Variants in SLC25A42 observed in about 807,000 individuals in gnomAD.
SLC25A42 encodes solute carrier family 25 member 42.
SLC25A42 carries 19 observed loss-of-function variants against 34.7 expected under a neutral mutation model. The ratio of observed to expected loss-of-function variants is 0.55; its 90% CI spans 0.38 to 0.80. The LOEUF (loss-of-function observed/expected upper bound fraction) is 0.80, where lower values mean the gene tolerates loss of function less well. Ranked by LOEUF, SLC25A42 falls within the 30% of genes least tolerant of loss-of-function variation. The probability of loss-of-function intolerance (pLI) is 0.00; values close to 1 mark genes in which losing one functional copy is unlikely to be tolerated. For synonymous variants in SLC25A42, 205 were observed against 191.2 expected (o/e 1.07, Z -0.59); for missense variants, 364 against 441.3 (o/e 0.82, Z 1.57).
intron 2 of SLC25A42, among the ~76,000 whole-genome samples, chr19:19,100,953 TG>T (rs1568521244): frequency 6.6e-6 from 1 of 151,996 alleles, no homozygotes; most frequent in African/African-American, 2.4e-5. Context: ...CCGAGTCCAC[TG>T]GGGAAATGGA....
At chr19:19,110,519 G>A in intron 7 of SLC25A42, 50 bp from the exon 8 acceptor site, 1 of 1,363,452 alleles carries the variant, frequency 7.3e-7, no homozygotes. Context: ...GGTGCGGGGT[G>A]CGCGCCCCCT....
intron 1 of SLC25A42, among the ~76,000 whole-genome samples, chr19:19,090,335 GGT>G (rs756952694): frequency 9.2e-5 from 14 of 152,138 alleles, no homozygotes; most frequent in Non-Finnish European, 2.1e-4. Flanking sequence ...ACTCATCTTA[GGT>G]TCATGGCTGA....
chr19:19,092,921 C>T (rs893678136), intron 1 of SLC25A42, among the ~76,000 whole-genome samples: 5 of 152,122 alleles, frequency 3.3e-5, no homozygotes, highest in African/African-American at 1.2e-4. Context: ...GTGAAACAGA[C>T]GCAGTGCATC....
At chr19:19,065,599 T>A (rs2059597839) in intron 1 of SLC25A42, among the ~76,000 whole-genome samples, 1 of 152,170 alleles carries the variant, frequency 6.6e-6, no homozygotes. Flanking sequence ...GGTACCAGAA[T>A]GTTTCAGAGG....
chr19:19,082,603 TC>T (rs1425968389), intron 1 of SLC25A42, among the ~76,000 whole-genome samples: 2 of 151,886 alleles, frequency 1.3e-5, no homozygotes, highest in African/African-American at 4.8e-5. Flanking sequence ...CCTCAATTGA[TC>T]CACCTGCCTT....
chr19:19,066,993 G>C (rs2059606024), intron 1 of SLC25A42, among the ~76,000 whole-genome samples: 1 of 136,406 alleles, frequency 7.3e-6, no homozygotes, highest in Non-Finnish European at 1.5e-5. Flanking sequence ...CTCCTCTCCA[G>C]CCTGGACGAC....
At chr19:19,082,801 C>T (rs1384085886) in intron 1 of SLC25A42, among the ~76,000 whole-genome samples, 1 of 152,010 alleles carries the variant, frequency 6.6e-6, no homozygotes, top group Admixed American at 6.6e-5. Context: ...TATGTGCCAC[C>T]AAGCCCAACT....
rs1189170745 is a variant in SLC25A42, at chr19:19,112,000, C to T, written c.*1124C>T. 1 of 152,210 alleles carries T rather than the reference C, an allele frequency of 6.6e-6. No homozygotes were observed. Among genetic ancestry groups the T allele is most frequent in the East Asian group, 1.9e-4 (1 of 5,194 alleles). 9.4% of individuals were successfully genotyped at this position (152,210 alleles called of 1,614,324 possible). On this transcript the variant is annotated 3_prime_UTR_variant, in exon 8 of 8. Transcript: ENST00000318596. ...GGGAACCCCCAGCTAACTGGTCTCT[C>T]AGAGGAGTCCCCCAGGGCCCGCCAG...
At chr19:19,092,729 G>A (rs1222828684) in intron 1 of SLC25A42, among the ~76,000 whole-genome samples, 2 of 152,214 alleles carry the variant, frequency 1.3e-5, no homozygotes, top group Admixed American at 1.3e-4. Context: ...TTCTGGGGAA[G>A]GTGACTTTGC....
chr19:19,105,064 C>A, intron 4 of SLC25A42, 126 bp downstream of exon 4: 1 of 1,139,164 alleles, frequency 8.8e-7, no homozygotes, highest in Non-Finnish European at 1.3e-6. Context: ...TCTTCCCATT[C>A]CCAGCTCTGC....
intron 1 of SLC25A42, among the ~76,000 whole-genome samples, chr19:19,091,881 ACAG>A (rs1197180886): frequency 6.6e-6 from 1 of 152,202 alleles, no homozygotes; most frequent in Non-Finnish European, 1.5e-5. Context: ...TGACTATAAA[ACAG>A]CAGCAACAAC....
At chr19:19,107,370 C>T (rs1011126694) in intron 6 of SLC25A42, among the ~76,000 whole-genome samples, 7 of 150,934 alleles carry the variant, frequency 4.6e-5, no homozygotes, top group East Asian at 1.9e-4. Flanking sequence ...TGGTGGCTCA[C>T]GCCTGTAATT....
chr19:19,075,259 C>A (rs2059650413), intron 1 of SLC25A42, among the ~76,000 whole-genome samples: 2 of 152,174 alleles, frequency 1.3e-5, no homozygotes, highest in African/African-American at 4.8e-5. Flanking sequence ...CTGGTGTGAT[C>A]ATGAGTTATC....
intron 1 of SLC25A42, among the ~76,000 whole-genome samples, chr19:19,082,976 A>G (rs2059688911): frequency 6.6e-6 from 1 of 151,652 alleles, no homozygotes; most frequent in Admixed American, 6.6e-5. Context: ...GTGCCACCAC[A>G]CCCAGCTAAT....
intron 6 of SLC25A42, among the ~76,000 whole-genome samples, chr19:19,107,647 CA>C (rs202016906): frequency 1.3e-5 from 2 of 150,976 alleles, no homozygotes; most frequent in African/African-American, 4.9e-5. Flanking sequence ...AACAAAGAAA[CA>C]AAAAAAAAGA....
intron 1 of SLC25A42, among the ~76,000 whole-genome samples, chr19:19,092,721 C>T (rs1304465933): frequency 6.6e-6 from 1 of 152,206 alleles, no homozygotes; most frequent in Non-Finnish European, 1.5e-5. Flanking sequence ...TGAATCCTTT[C>T]TGGGGAAGGT....
chr19:19,100,668 C>T (rs1199296233), intron 2 of SLC25A42, among the ~76,000 whole-genome samples: 1 of 152,224 alleles, frequency 6.6e-6, no homozygotes, highest in African/African-American at 2.4e-5. Context: ...CGGCACCTTC[C>T]CAATGGGTGG....
At chr19:19,065,303 A>T (rs1599659257) in intron 1 of SLC25A42, among the ~76,000 whole-genome samples, 1 of 151,572 alleles carries the variant, frequency 6.6e-6, no homozygotes, top group Non-Finnish European at 1.5e-5. Flanking sequence ...CAGACCCGGG[A>T]CCCCTCTCCG....
intron 1 of SLC25A42, among the ~76,000 whole-genome samples, chr19:19,087,477 G>A (rs1451234286): frequency 1.3e-5 from 2 of 152,026 alleles, no homozygotes; most frequent in African/African-American, 4.8e-5. Flanking sequence ...TAGTAGAGAC[G>A]GGGTTTCACC....
Sources: allele counts gnomAD v4.1 joint callset (sites outside exome capture counted in the v4.1 genomes callset), GRCh38; gene constraint gnomAD v4.1.1; transcripts MANE v1.5; gene names NCBI Gene and HGNC (gene_info 2026-07-23, HGNC 2026-07-21).